The following MTA1 variants were observed in gnomAD, a reference collection of about 807,000 sequenced individuals.
MTA1 encodes metastasis associated 1.
A neutral mutation model predicts 97.0 loss-of-function variants in MTA1; 15 were observed. The observed-to-expected ratio is 0.15, with a 90% CI of 0.10 to 0.24. The LOEUF (loss-of-function observed/expected upper bound fraction) is 0.24. Ranked by LOEUF, MTA1 falls within the 10% of genes least tolerant of loss-of-function variation. MTA1 has a pLI of 1.00. For synonymous variants in MTA1, 435 were observed against 417.5 expected (o/e 1.04, Z -0.51); for missense variants, 709 against 1,015.1 (o/e 0.70, Z 4.10).
At chr14:105,431,283 A>G (rs1555423288) in intron 1 of MTA1, among the ~76,000 whole-genome samples, 1 of 152,186 alleles carries the variant, frequency 6.6e-6, no homozygotes. Flanking sequence ...GGCTGGTCTC[A>G]AACTCCTGAC....
intron 1 of MTA1, among the ~76,000 whole-genome samples, chr14:105,434,438 T>C (rs1555423982): frequency 1.3e-5 from 2 of 151,898 alleles, no homozygotes; most frequent in African/African-American, 4.8e-5. Context: ...CTCTTGTGAA[T>C]AGTACTTTTA....
intron 1 of MTA1, among the ~76,000 whole-genome samples, chr14:105,427,603 C>T (rs1407811767): frequency 6.6e-6 from 1 of 152,158 alleles, no homozygotes; most frequent in Non-Finnish European, 1.5e-5. Context: ...CTCGTAGGAA[C>T]CTGACCCTGT....
chr14:105,452,896 G>A (rs1555429031), intron 6 of MTA1, among the ~76,000 whole-genome samples: 1 of 152,220 alleles, frequency 6.6e-6, no homozygotes, highest in Non-Finnish European at 1.5e-5. Flanking sequence ...GCGGGTAAGG[G>A]CTGGAAAAGA....
In MTA1 at chr14:105,449,360, C is replaced by T. The variant is rs1555427983; in HGVS notation, c.192C>T (p.Thr64=). The part of the protein sequence containing the change: ...TLIALADKHA[T]LSVCYKAGPG... ...GGGTGCTGTCTGTCTGTTATATAGC[C>T]CTGTCAGTCTGCTATAAGGCCGGAC... The change falls in exon 4 of 21, where the codon ACC becomes ACT. Residue 64 remains threonine (T), a splice_region_variant and synonymous_variant. Transcript: ENST00000331320. 8 of 1,612,368 alleles carry T rather than the reference C, an allele frequency of 5.0e-6. No homozygotes were observed. In the South Asian group the frequency reaches 6.6e-5, roughly 13 times the overall value.
chr14:105,464,195 C>A (rs1238978032), intron 13 of MTA1, 48 bp downstream of exon 13: 1 of 1,568,646 alleles, frequency 6.4e-7, no homozygotes, highest in Non-Finnish European at 8.7e-7. Context: ...CGCCTGTGGG[C>A]CGTGGTGCCT....
chr14:105,461,032 T>C, intron 10 of MTA1, 79 bp downstream of exon 10: 24 of 1,404,376 alleles, frequency 1.7e-5, no homozygotes, highest in Non-Finnish European at 2.2e-5. Flanking sequence ...GGGCTCCACA[T>C]CCCACTCTGC....
chr14:105,425,634 C>A (rs1442111393), intron 1 of MTA1, among the ~76,000 whole-genome samples: 2 of 152,068 alleles, frequency 1.3e-5, no homozygotes, highest in African/African-American at 2.4e-5. Context: ...GGGCTCACTG[C>A]TTTCTGGGGC....
Position 105,422,711 on chromosome 14 carries a change from G to C in MTA1, c.28+2648G>C, listed in dbSNP as rs2081884447. Among the ~76,000 whole-genome samples the C allele has an allele frequency of 6.6e-6, 1 of 152,238 alleles. No homozygotes were observed. The highest frequency in any genetic ancestry group is 6.5e-5 in the Admixed American group (1 of 15,282). On this transcript the variant is annotated intron_variant, in intron 1 of 20. Transcript: ENST00000331320. The surrounding 1 kb of genome is among the most constrained non-coding windows in gnomAD (Gnocchi z 4.3). ...GGGCAACCCGTATTTTAGCTGGCAG[G>C]CTACTCCGAGGCCCTGCCAGGTTGG...
At position 105,424,308 on chromosome 14, in the gene MTA1, C is replaced by T. The variant is rs1257350447; in HGVS notation, c.28+4245C>T. The stretch of plus-strand genomic sequence containing the variant: ...TCCCGGGTTCACACCATTCTCCTGC[C>T]TCAGCCTCCCAAGTAGCTGGGACTA... On this transcript the variant is annotated intron_variant, in intron 1 of 20. Transcript: ENST00000331320. The surrounding 1 kb of genome is among the most constrained non-coding windows in gnomAD (Gnocchi z 4.0). Among the ~76,000 whole-genome samples, 1 of 152,182 alleles carries T rather than the reference C, an allele frequency of 6.6e-6. No individual in the cohort carries two copies. Among genetic ancestry groups the T allele is most frequent in the African/African-American group, 2.4e-5 (1 of 41,444 alleles).
At chr14:105,434,366 TC>T (rs2082267802) in intron 1 of MTA1, among the ~76,000 whole-genome samples, 1 of 152,236 alleles carries the variant, frequency 6.6e-6, no homozygotes, top group South Asian at 2.1e-4. Flanking sequence ...GATCTTTTGA[TC>T]TTTAAACATC....
At chr14:105,465,254 T>G in intron 16 of MTA1, 71 bp downstream of exon 16, 3 of 1,293,710 alleles carry the variant, frequency 2.3e-6, no homozygotes, top group Non-Finnish European at 3.1e-6. Context: ...GCTCATGCAC[T>G]GGTGCTCCCA....
chr14:105,469,382 C>T, intron 18 of MTA1, 85 bp from the exon 19 acceptor site: 2 of 1,480,070 alleles, frequency 1.4e-6, no homozygotes, highest in Non-Finnish European at 1.9e-6. Flanking sequence ...GCCCATTGTC[C>T]CAAGGTGGCT....
At chr14:105,449,998 G>T in intron 4 of MTA1, 60 bp from the exon 5 acceptor site, 1 of 1,606,416 alleles carries the variant, frequency 6.2e-7, no homozygotes, top group East Asian at 2.2e-5. Flanking sequence ...CTGGTGGGGT[G>T]GGCCTTGGTC....
chr14:105,464,265 G>A, intron 13 of MTA1, 118 bp downstream of exon 13: 2 of 1,409,514 alleles, frequency 1.4e-6, no homozygotes, highest in South Asian at 1.3e-5. Flanking sequence ...GACGATGGGG[G>A]CTGCGTCCCA....
At chr14:105,427,106 G>C (rs1202306062) in intron 1 of MTA1, among the ~76,000 whole-genome samples, 4 of 152,236 alleles carry the variant, frequency 2.6e-5, no homozygotes, top group African/African-American at 9.6e-5. Flanking sequence ...CTTGGGGGTT[G>C]TGTCTGTTCT....
At chr14:105,445,723 A>T in intron 3 of MTA1, 1 of 680,536 alleles carries the variant, frequency 1.5e-6, no homozygotes, top group South Asian at 1.5e-5. Context: ...AAGTCCTCGC[A>T]CGCCCCCCGG....
At chr14:105,444,409 G>A (rs587650559) in intron 2 of MTA1, among the ~76,000 whole-genome samples, 3 of 152,030 alleles carry the variant, frequency 2.0e-5, no homozygotes, top group African/African-American at 7.2e-5. Flanking sequence ...ATTGGACTGT[G>A]GTCCTGGGAG....
In MTA1 at chr14:105,441,333, T is replaced by C. The variant is rs2141496937; in HGVS notation, c.96+2594T>C. Among the ~76,000 whole-genome samples the C allele has an allele frequency of 1.3e-5, 2 of 152,312 alleles. 1 individual carries two copies. Among genetic ancestry groups the C allele is most frequent in the South Asian group, 4.1e-4 (2 of 4,820 alleles). On this transcript the variant is annotated intron_variant, in intron 2 of 20. Coordinates refer to ENST00000331320, the MANE Select transcript of MTA1 (RefSeq NM_004689.4). ...GACTTCTAAAGCCCACAGACCCAGC[T>C]GCTGGCATCGGGGACCCAGCAGAAT...
chr14:105,426,308 A>ATG lies in MTA1; in HGVS notation c.28+6247_28+6248dup, dbSNP rs1264292914. On this transcript the variant is annotated intron_variant, in intron 1 of 20. Coordinates refer to ENST00000331320, the MANE Select transcript of MTA1 (RefSeq NM_004689.4). ...GCATACCTTAAAAATGAGCCCATGG[A>ATG]TGTTGCAGTGAGCCGAGATCACGCC... 2.2e-5 allele frequency among the ~76,000 whole-genome samples: 3 copies of ATG among 136,722 alleles called. No individual in the cohort carries two copies. In the East Asian group the frequency reaches 7.1e-4, roughly 33 times the overall value. 89.7% of individuals were successfully genotyped at this position (136,722 alleles called of 152,430 possible).
Sources: allele counts gnomAD v4.1 joint callset (sites outside exome capture counted in the v4.1 genomes callset), GRCh38; gene constraint gnomAD v4.1.1; non-coding constraint Gnocchi (gnomAD v3.1); transcripts MANE v1.5; gene names NCBI Gene and HGNC (gene_info 2026-07-23, HGNC 2026-07-21).